The following PARD3B variants were observed in gnomAD, a reference collection of about 807,000 sequenced individuals.
The protein encoded by PARD3B is partitioning defective 3 homolog B.
A neutral mutation model predicts 130.2 loss-of-function variants in PARD3B; 103 were observed. The ratio of observed to expected loss-of-function variants is 0.79; its 90% CI spans 0.67 to 0.93. PARD3B has a LOEUF of 0.93. Ranked by LOEUF, PARD3B falls within the 40% of genes least tolerant of loss-of-function variation. PARD3B has a pLI of 0.00. For synonymous variants in PARD3B, 583 were observed against 553.2 expected (o/e 1.05, Z -0.76); for missense variants, 1,609 against 1,499.2 (o/e 1.07, Z -1.21).
At position 205,550,955 on chromosome 2, in the gene PARD3B, G is replaced by GTATATA. The variant is rs1553542806; in HGVS notation, c.3181-2352_3181-2347dup. On this transcript the variant is annotated intron_variant, in intron 21 of 22. Transcript: ENST00000406610. The surrounding 1 kb of genome is among the most constrained non-coding windows in gnomAD (Gnocchi z 4.5). ...TGTGTGTGTGTGTATATATATATGT[G>GTATATA]TATATATATATATATATATATACAC... is the stretch of plus-strand genomic sequence containing the variant. 2.1e-5 allele frequency among the ~76,000 whole-genome samples: 2 copies of GTATATA among 94,468 alleles called. No homozygotes were observed. Among genetic ancestry groups the GTATATA allele is most frequent in the African/African-American group, 7.6e-5 (2 of 26,372 alleles). 62.0% of individuals were successfully genotyped at this position (94,468 alleles called of 152,430 possible).
intron 2 of PARD3B, among the ~76,000 whole-genome samples, chr2:204,790,514 G>A (rs1353546547): frequency 6.6e-6 from 1 of 152,174 alleles, no homozygotes; most frequent in Non-Finnish European, 1.5e-5. Flanking sequence ...TATAAGAAGT[G>A]TTCTGGGTGC....
intron 15 of PARD3B, among the ~76,000 whole-genome samples, chr2:205,227,849 C>T (rs754206988): frequency 2.4e-4 from 37 of 151,728 alleles, no homozygotes; most frequent in Admixed American, 3.9e-4. Context: ...TTTGTATATC[C>T]GTTGTATGTT....
chr2:205,077,392 T>C (rs539123534), intron 4 of PARD3B, among the ~76,000 whole-genome samples: 1 of 152,346 alleles, frequency 6.6e-6, no homozygotes, highest in South Asian at 2.1e-4. Flanking sequence ...ATTTTCTGTT[T>C]CTTTTCTGTT....
intron 22 of PARD3B, among the ~76,000 whole-genome samples, chr2:205,559,113 T>C (rs2053028236): frequency 6.6e-6 from 1 of 152,178 alleles, no homozygotes; most frequent in Non-Finnish European, 1.5e-5. Flanking sequence ...GAGGCCTAAG[T>C]ATGGGCTCCA....
At chr2:205,552,023 T>G (rs2052668874) in intron 21 of PARD3B, among the ~76,000 whole-genome samples, 1 of 152,176 alleles carries the variant, frequency 6.6e-6, no homozygotes, top group Non-Finnish European at 1.5e-5. Flanking sequence ...ATCAAGTACT[T>G]TTAAATACGT....
intron 16 of PARD3B, among the ~76,000 whole-genome samples, chr2:205,250,579 G>T (rs2039799608): frequency 6.6e-6 from 1 of 152,106 alleles, no homozygotes; most frequent in Non-Finnish European, 1.5e-5. Context: ...AGGCCACTAA[G>T]TATGTTTGGT....
chr2:205,499,796 T>A lies in PARD3B; in HGVS notation c.3045-100T>A, dbSNP rs10194737. ...CATATTTGAATTACATTATTGAATC[T>A]TCCAAATTTAGATGTCAACTCCTTT... On this transcript the variant is annotated intron_variant, in intron 20 of 22. Coordinates refer to ENST00000406610, the MANE Select transcript of PARD3B (RefSeq NM_001302769.2). 7.9e-6 allele frequency: 10 copies of A among 1,267,080 alleles called. No individual in the cohort carries two copies. The African/African-American group carries it at 1.2e-4, about 15-fold the overall frequency. The allele number at this position is 1,267,080 out of a possible 1,614,324, so 78.5% of individuals were successfully genotyped here.
chr2:205,529,036 AAAAT>A (rs1450538155), intron 21 of PARD3B, among the ~76,000 whole-genome samples: 2 of 152,226 alleles, frequency 1.3e-5, no homozygotes, highest in African/African-American at 4.8e-5. Flanking sequence ...ATTAAAAAAA[AAAAT>A]TAACTTCCAA....
rs1195969024 is a variant in PARD3B, at chr2:205,274,755, T to C, written c.2186-25775T>C. ...GCAACTTTTAAGCCCTCTACAGAAA[T>C]CATTATATTATTTTATAAAGAATCC... is the stretch of plus-strand genomic sequence containing the variant. On this transcript the variant is annotated intron_variant, in intron 16 of 22. Coordinates refer to ENST00000406610, the MANE Select transcript of PARD3B (RefSeq NM_001302769.2). The surrounding 1 kb of genome is among the most constrained non-coding windows in gnomAD (Gnocchi z 4.2). Among the ~76,000 whole-genome samples, 1 of 152,186 alleles carries C rather than the reference T, an allele frequency of 6.6e-6. No individual in the cohort carries two copies. Among genetic ancestry groups the C allele is most frequent in the African/African-American group, 2.4e-5 (1 of 41,456 alleles).
At chr2:205,559,175 C>G (rs1272153057) in intron 22 of PARD3B, among the ~76,000 whole-genome samples, 1 of 152,162 alleles carries the variant, frequency 6.6e-6, no homozygotes, top group Non-Finnish European at 1.5e-5. Context: ...ATGGTCTGAT[C>G]TCATCTGTTG....
At chr2:205,067,639 AT>A (rs1406660716) in intron 4 of PARD3B, among the ~76,000 whole-genome samples, 1 of 152,112 alleles carries the variant, frequency 6.6e-6, no homozygotes, top group African/African-American at 2.4e-5. Context: ...TTACCTATAA[AT>A]TTTTTAAGTG....
At chr2:204,632,304 T>C (rs76368954) in intron 1 of PARD3B, among the ~76,000 whole-genome samples, 3,907 of 152,254 alleles carry the variant, frequency 0.026, 153 homozygotes, top group East Asian at 0.13. Flanking sequence ...ATTAAACCTC[T>C]TTCCTTTATA....
At chr2:204,863,476 C>T (rs1382829649) in intron 2 of PARD3B, among the ~76,000 whole-genome samples, 4 of 152,166 alleles carry the variant, frequency 2.6e-5, no homozygotes, top group Non-Finnish European at 5.9e-5. Flanking sequence ...GGAATTTCAG[C>T]TCTTTTCCCA....
At chr2:204,940,377 C>T (rs759065351) in intron 2 of PARD3B, among the ~76,000 whole-genome samples, 4 of 152,060 alleles carry the variant, frequency 2.6e-5, no homozygotes, top group African/African-American at 4.8e-5. Flanking sequence ...AGTGACAATT[C>T]TCTGGGAGCG....
chr2:205,549,203 G>C lies in PARD3B; in HGVS notation c.3181-4121G>C, dbSNP rs138530782. Among the ~76,000 whole-genome samples the C allele has an allele frequency of 3.2e-3, 489 of 152,246 alleles. 1 individual carries two copies. Among genetic ancestry groups the C allele is most frequent in the Non-Finnish European group, 4.5e-3 (303 of 68,018 alleles). ...TGAATTCTGGTGGGAATTCAAAATG[G>C]TATCACTACTTTAGAAGACAATTTG... is the stretch of plus-strand genomic sequence containing the variant. On this transcript the variant is annotated intron_variant, in intron 21 of 22. Transcript: ENST00000406610.
chr2:205,065,270 C>G (rs1420803688), intron 4 of PARD3B, among the ~76,000 whole-genome samples: 2 of 152,218 alleles, frequency 1.3e-5, no homozygotes, highest in Middle Eastern at 3.4e-3. Flanking sequence ...TTAATAAACA[C>G]TGGAGTTGTG....
At chr2:205,238,969 G>A (rs2039231564) in intron 15 of PARD3B, among the ~76,000 whole-genome samples, 1 of 143,188 alleles carries the variant, frequency 7.0e-6, no homozygotes, top group African/African-American at 2.6e-5. Flanking sequence ...ATGTGCTAGA[G>A]TACAGAAAAG....
At chr2:205,023,294 C>T (rs1696761678) in intron 3 of PARD3B, among the ~76,000 whole-genome samples, 1 of 152,112 alleles carries the variant, frequency 6.6e-6, no homozygotes, top group Non-Finnish European at 1.5e-5. Context: ...TAACACAGCA[C>T]AATGTCGATT....
rs749138981 is a variant in PARD3B at position 205,326,666 on chromosome 2, A to G, written c.2630+24965A>G. 3.3e-5 allele frequency among the ~76,000 whole-genome samples: 5 copies of G among 152,320 alleles called. No homozygotes were observed. In the South Asian group the frequency reaches 6.2e-4, roughly 19 times the overall value. Reference sequence around the variant, plus strand: ...TGCTGAGGCTTGATATAATTAAATGATTAAAAGGTAATTAAATAATTACCT... The same window carrying G: ...TGCTGAGGCTTGATATAATTAAATGGTTAAAAGGTAATTAAATAATTACCT... On this transcript the variant is annotated intron_variant, in intron 18 of 22. Coordinates refer to ENST00000406610, the MANE Select transcript of PARD3B (RefSeq NM_001302769.2).
Sources: allele counts gnomAD v4.1 joint callset (sites outside exome capture counted in the v4.1 genomes callset), GRCh38; gene constraint gnomAD v4.1.1; non-coding constraint Gnocchi (gnomAD v3.1); transcripts MANE v1.5; gene names NCBI Gene and HGNC (gene_info 2026-07-23, HGNC 2026-07-21).